Variants in NHSL1 observed in about 807,000 individuals in gnomAD.
NHSL1 encodes the protein NHS-like protein 1.
A neutral mutation model predicts 95.0 loss-of-function variants in NHSL1; 48 were observed. The ratio of observed to expected loss-of-function variants is 0.51; its 90% CI spans 0.40 to 0.64. The LOEUF is 0.64. NHSL1 is among the 30% of genes least tolerant of loss of function. NHSL1 has a pLI of 0.00. For missense variants in NHSL1, 1,971 were observed against 2,077.7 expected (o/e 0.95, Z 1.00); for synonymous variants, 783 against 833.9 (o/e 0.94, Z 1.05).
intron 1 of NHSL1, among the ~76,000 whole-genome samples, chr6:138,644,244 TG>T (rs1258582534): frequency 1.3e-5 from 2 of 152,178 alleles, no homozygotes; most frequent in African/African-American, 4.8e-5. Context: ...GGCTCACACC[TG>T]TAATCCCAGC....
At chr6:138,671,031 G>A (rs1785361338) in intron 1 of NHSL1, among the ~76,000 whole-genome samples, 1 of 151,984 alleles carries the variant, frequency 6.6e-6, no homozygotes, top group Non-Finnish European at 1.5e-5. Context: ...TGCATGTCTG[G>A]AGTCCCAGAT....
At chr6:138,511,069 G>T (rs753471833) in intron 1 of NHSL1, among the ~76,000 whole-genome samples, 1 of 152,150 alleles carries the variant, frequency 6.6e-6, no homozygotes, top group Non-Finnish European at 1.5e-5. Context: ...ACCAGGAAGC[G>T]AAACGATAAT....
intron 1 of NHSL1, among the ~76,000 whole-genome samples, chr6:138,631,489 G>T (rs1784818803): frequency 6.6e-6 from 1 of 152,132 alleles, no homozygotes; most frequent in African/African-American, 2.4e-5. Context: ...AGAACAGTGA[G>T]GAGGACATTG....
chr6:138,677,435 G>A (rs996317907), intron 1 of NHSL1, among the ~76,000 whole-genome samples: 1 of 152,118 alleles, frequency 6.6e-6, no homozygotes, highest in Non-Finnish European at 1.5e-5. Context: ...TAAGCCCAAA[G>A]GCCCATGAAC....
chr6:138,632,886 C>T (rs1324726080), intron 1 of NHSL1, among the ~76,000 whole-genome samples: 1 of 152,030 alleles, frequency 6.6e-6, no homozygotes, highest in Non-Finnish European at 1.5e-5. Flanking sequence ...AGGGACCAAT[C>T]CTGGAGAAAG....
At chr6:138,454,206 T>TGTGC (rs1427621388) in intron 3 of NHSL1, among the ~76,000 whole-genome samples, 1 of 152,122 alleles carries the variant, frequency 6.6e-6, no homozygotes, top group Admixed American at 6.5e-5. Context: ...TGTGTGTGCG[T>TGTGC]GCGTGCATAA....
At chr6:138,466,133 G>A (rs1284476831) in intron 3 of NHSL1, among the ~76,000 whole-genome samples, 5 of 150,704 alleles carry the variant, frequency 3.3e-5, no homozygotes, top group African/African-American at 7.3e-5. Flanking sequence ...TCCGCCTCCC[G>A]GGTTCACGCC....
At chr6:138,444,888 A>C (rs1776763000) in intron 4 of NHSL1, among the ~76,000 whole-genome samples, 3 of 152,204 alleles carry the variant, frequency 2.0e-5, no homozygotes, top group East Asian at 3.8e-4. Flanking sequence ...TAAATACGTG[A>C]TTAGGTATTA....
intron 5 of NHSL1, among the ~76,000 whole-genome samples, chr6:138,438,212 A>G (rs1776309072): frequency 6.6e-6 from 1 of 152,220 alleles, no homozygotes; most frequent in African/African-American, 2.4e-5. Flanking sequence ...AGTCATTCCT[A>G]CCTTCAGCAA....
intron 2 of NHSL1, among the ~76,000 whole-genome samples, chr6:138,483,514 T>C (rs1779546662): frequency 6.6e-6 from 1 of 152,216 alleles, no homozygotes; most frequent in South Asian, 2.1e-4. Context: ...CTTAAAATGC[T>C]TGGAGGGTTC....
At chr6:138,471,464 G>A (rs115648921) in intron 3 of NHSL1, among the ~76,000 whole-genome samples, 2,660 of 152,252 alleles carry the variant, frequency 0.017, 81 homozygotes, top group African/African-American at 0.061. Flanking sequence ...TTAAGGTTCA[G>A]ATTAATTTTG....
At chr6:138,511,635 T>C (rs1781235384) in intron 1 of NHSL1, among the ~76,000 whole-genome samples, 1 of 151,876 alleles carries the variant, frequency 6.6e-6, no homozygotes, top group Non-Finnish European at 1.5e-5. Context: ...TTCCTGGAAC[T>C]AGGAAAAGAA....
intron 1 of NHSL1, among the ~76,000 whole-genome samples, chr6:138,603,514 C>T (rs1191316039): frequency 6.6e-6 from 1 of 152,126 alleles, no homozygotes; most frequent in Non-Finnish European, 1.5e-5. Flanking sequence ...TTCCTGAACA[C>T]CTACAGGCTG....
In NHSL1 at chr6:138,567,230, C is replaced by A. The variant is rs977355482; in HGVS notation, c.202+4480G>T. Among the ~76,000 whole-genome samples, 3 of 152,032 alleles carry A rather than the reference C, an allele frequency of 2.0e-5. No individual in the cohort carries two copies. In the East Asian group the frequency reaches 5.8e-4, roughly 29 times the overall value. On this transcript the variant is annotated intron_variant, in intron 1 of 6. Transcript: ENST00000427025. ...GCAGACTCGACCTCCCAGGCTCAAG[C>A]GATCCTCCCACCTCAGCCTCCTGAG...
intron 4 of NHSL1, among the ~76,000 whole-genome samples, chr6:138,445,035 C>T (rs1250956798): frequency 1.3e-5 from 2 of 152,162 alleles, no homozygotes; most frequent in African/African-American, 4.8e-5. Context: ...TCTTTAAAGT[C>T]TAATTCATCT....
chr6:138,665,433 G>T (rs1019427811), intron 1 of NHSL1, among the ~76,000 whole-genome samples: 1 of 152,272 alleles, frequency 6.6e-6, no homozygotes, highest in Admixed American at 6.5e-5. Context: ...TACAACTTCT[G>T]TGGTCGGTCT....
At chr6:138,458,686 T>G (rs1253925336) in intron 3 of NHSL1, among the ~76,000 whole-genome samples, 1 of 151,522 alleles carries the variant, frequency 6.6e-6, no homozygotes, top group East Asian at 2.0e-4. Flanking sequence ...ATTAGCTGGG[T>G]GTGGTGGCAT....
chr6:138,430,474 G>A lies in NHSL1; in HGVS notation c.3871C>T (p.Pro1291Ser), dbSNP rs1427060737. ...TTCTCGGCTGGCTCCTCCTGCTTGG[G>A]GGCTGGTGAGACATCAGGCTGAACC... The part of the protein sequence containing the change: ...PMVQPDVSPA[P>S]KQEEPAENSA... Residue 1291 changes from proline (P) to serine (S), a missense_variant, in exon 6 of 8, where the codon CCC becomes TCC. By Grantham distance (74) the Pro-to-Ser change is moderately conservative. Around this residue, in one of 3 missense-constraint regions of NHSL1, gnomAD observed 1,602 missense variants for 1,654.5 expected, o/e 0.97. Coordinates refer to ENST00000343505, the MANE Select transcript of NHSL1 (RefSeq NM_001144060.2). The surrounding 1 kb of genome is among the most constrained non-coding windows in gnomAD (Gnocchi z 4.7). The A allele has an allele frequency of 6.4e-7, 1 of 1,550,602 alleles. No individual in the cohort carries two copies. Among genetic ancestry groups the A allele is most frequent in the Admixed American group, 2.0e-5 (1 of 50,936 alleles).
intron 1 of NHSL1, among the ~76,000 whole-genome samples, chr6:138,618,731 A>G (rs543289096): frequency 6.6e-6 from 1 of 152,274 alleles, no homozygotes; most frequent in East Asian, 1.9e-4. Context: ...CTCTTTCAAA[A>G]CACTTTTATA....
Sources: gnomAD v4.1 joint callset for allele counts (sites outside exome capture counted in the v4.1 genomes callset) on GRCh38, gnomAD v4.1.1 for gene constraint, gnomAD v4.1.1 regional missense constraint, Gnocchi (gnomAD v3.1) non-coding constraint, MANE v1.5 for transcripts, NCBI Gene and HGNC (gene_info 2026-07-23, HGNC 2026-07-21) for gene names.